DPP10: variants seen among roughly 807,000 people sequenced by gnomAD.
DPP10 encodes inactive dipeptidyl peptidase 10.
Under a neutral mutation model 120.9 loss-of-function variants are expected in DPP10, and 33 were observed. The observed-to-expected ratio is 0.27, with a 90% CI of 0.21 to 0.37. The LOEUF (loss-of-function observed/expected upper bound fraction) is 0.37. Among genes scored for constraint, DPP10 ranks in the 10% least tolerant of loss-of-function variants. The probability of loss-of-function intolerance (pLI) is 1.00; values close to 1 mark genes in which losing one functional copy is unlikely to be tolerated. For synonymous variants in DPP10, 337 were observed against 326.1 expected (o/e 1.03, Z -0.36); for missense variants, 816 against 942.8 (o/e 0.87, Z 1.76).
intron 3 of DPP10, among the ~76,000 whole-genome samples, chr2:115,494,119 A>G (rs1383989707): frequency 1.3e-5 from 2 of 151,854 alleles, no homozygotes; most frequent in Non-Finnish European, 2.9e-5. Flanking sequence ...TAATTTTTTT[A>G]TGTTTAGTAG....
intron 1 of DPP10, among the ~76,000 whole-genome samples, chr2:115,060,648 T>C (rs1369368318): frequency 6.6e-6 from 1 of 152,168 alleles, no homozygotes; most frequent in South Asian, 2.1e-4. Flanking sequence ...AACTTCCCTA[T>C]GGTCTATACA....
chr2:115,601,599 T>C (rs1467266222), intron 5 of DPP10, among the ~76,000 whole-genome samples: 1 of 152,176 alleles, frequency 6.6e-6, no homozygotes, highest in African/African-American at 2.4e-5. Flanking sequence ...AGAAAAAAAA[T>C]ATTACTTGGG....
chr2:115,790,140 C>G (rs774475827), intron 17 of DPP10, among the ~76,000 whole-genome samples: 1 of 148,742 alleles, frequency 6.7e-6, no homozygotes, highest in Non-Finnish European at 1.5e-5. Context: ...ACTGCAGTGG[C>G]GCAATCTCGG....
At chr2:114,622,868 A>G (rs1393266822) in intron 1 of DPP10, among the ~76,000 whole-genome samples, 1 of 152,110 alleles carries the variant, frequency 6.6e-6, no homozygotes, top group Admixed American at 6.6e-5. Flanking sequence ...TTGCCTGGTC[A>G]TGCATAAATT....
intron 17 of DPP10, among the ~76,000 whole-genome samples, chr2:115,785,169 A>G (rs1283104549): frequency 6.6e-6 from 1 of 152,122 alleles, no homozygotes; most frequent in Non-Finnish European, 1.5e-5. Context: ...GAGGGAGAAA[A>G]CTGCTCTGGG....
At position 114,850,556 on chromosome 2, in the gene DPP10, CT is replaced by C. The variant is rs199795613; in HGVS notation, c.60+407727del. On this transcript the variant is annotated intron_variant, in intron 1 of 25. Transcript: ENST00000410059. ...CATTTTATTATTCCCAATCATAATT[CT>C]TTTTTTTTAATAATCTGCTGAGAGT... Among the ~76,000 whole-genome samples, 9 of 151,224 alleles carry C rather than the reference CT, an allele frequency of 6.0e-5. No homozygotes were observed. The South Asian group carries it at 8.4e-4, about 14-fold the overall frequency.
chr2:115,043,356 C>T (rs1704811816), intron 1 of DPP10, among the ~76,000 whole-genome samples: 1 of 152,194 alleles, frequency 6.6e-6, no homozygotes, highest in South Asian at 2.1e-4. Flanking sequence ...AATGAACATA[C>T]TACGATCTCA....
At position 114,944,058 on chromosome 2, in the gene DPP10, T is replaced by C. The variant is rs1434651731; in HGVS notation, c.61-365181T>C. 2.6e-5 allele frequency among the ~76,000 whole-genome samples: 4 copies of C among 152,180 alleles called. No individual in the cohort carries two copies. In the South Asian group the frequency reaches 6.2e-4, roughly 24 times the overall value. On this transcript the variant is annotated intron_variant, in intron 1 of 25. Coordinates refer to ENST00000410059, the MANE Select transcript of DPP10 (RefSeq NM_020868.6). ...TAATATAATTCTATGTTAAATATCT[T>C]AGGGTAATTTTTTAAAAGTTCAATT...
At chr2:115,375,853 C>A (rs1053273088) in intron 3 of DPP10, among the ~76,000 whole-genome samples, 27 of 152,136 alleles carry the variant, frequency 1.8e-4, no homozygotes, top group Non-Finnish European at 3.5e-4. Flanking sequence ...ATGAAAACAA[C>A]AAGAAGAAAA....
intron 1 of DPP10, among the ~76,000 whole-genome samples, chr2:114,939,810 C>A (rs559512588): frequency 8.2e-4 from 125 of 152,212 alleles, no homozygotes; most frequent in Middle Eastern, 6.8e-3. Context: ...GTGGACTTTA[C>A]AAAATACTTT....
At chr2:115,295,811 T>G (rs1309162947) in intron 1 of DPP10, among the ~76,000 whole-genome samples, 2 of 152,066 alleles carry the variant, frequency 1.3e-5, no homozygotes, top group African/African-American at 4.8e-5. Context: ...AAAAATTTTC[T>G]CCTGCACTCA....
Position 114,983,212 on chromosome 2 carries a change from G to A in DPP10, c.61-326027G>A, listed in dbSNP as rs115147997. 2.5e-3 allele frequency among the ~76,000 whole-genome samples: 378 copies of A among 152,080 alleles called. 2 individuals are homozygous for A. Among genetic ancestry groups the A allele is most frequent in the African/African-American group, 8.6e-3 (355 of 41,502 alleles). On this transcript the variant is annotated intron_variant, in intron 1 of 25. Transcript: ENST00000410059. Reference sequence around the variant, plus strand: ...TTTGCTTTCCACGATTTTAAATCAGGGTTATCAGAAAAATCCAGTTTCTCC... The same window carrying A: ...TTTGCTTTCCACGATTTTAAATCAGAGTTATCAGAAAAATCCAGTTTCTCC...
intron 1 of DPP10, among the ~76,000 whole-genome samples, chr2:114,859,606 A>G (rs1221133657): frequency 1.3e-5 from 2 of 152,170 alleles, no homozygotes; most frequent in Non-Finnish European, 2.9e-5. Context: ...TGGGACTCAC[A>G]TTTTCTAAAA....
chr2:115,647,550 T>C (rs1031226921), intron 5 of DPP10, among the ~76,000 whole-genome samples: 1 of 151,954 alleles, frequency 6.6e-6, no homozygotes, highest in Non-Finnish European at 1.5e-5. Flanking sequence ...AAAAAAAAAA[T>C]TAACAAACAA....
intron 1 of DPP10, among the ~76,000 whole-genome samples, chr2:115,159,234 G>A (rs766760425): frequency 6.6e-5 from 10 of 152,066 alleles, no homozygotes; most frequent in African/African-American, 2.2e-4. Flanking sequence ...CGGGGTGGGC[G>A]GATAACTAGG....
chr2:115,127,049 T>C (rs932281937), intron 1 of DPP10, among the ~76,000 whole-genome samples: 1 of 152,176 alleles, frequency 6.6e-6, no homozygotes, highest in African/African-American at 2.4e-5. Context: ...ACCTAAAGGA[T>C]GGAAAAGTCT....
At chr2:115,809,216 A>G (rs931332272) in intron 19 of DPP10, among the ~76,000 whole-genome samples, 11 of 152,226 alleles carry the variant, frequency 7.2e-5, no homozygotes, top group Non-Finnish European at 1.3e-4. Context: ...AGAGATAAAT[A>G]GAAGGAATTG....
chr2:115,502,927 C>A (rs2076758924), intron 4 of DPP10, among the ~76,000 whole-genome samples: 1 of 151,570 alleles, frequency 6.6e-6, no homozygotes, highest in African/African-American at 2.4e-5. Context: ...TCATCTTGAA[C>A]TATATCCTCA....
intron 1 of DPP10, among the ~76,000 whole-genome samples, chr2:115,047,416 G>T (rs531964633): frequency 4.0e-5 from 6 of 151,854 alleles, no homozygotes; most frequent in South Asian, 2.1e-4. Context: ...GAAAAAAACA[G>T]TGTATTCAAT....
Sources: gnomAD v4.1 joint callset for allele counts (sites outside exome capture counted in the v4.1 genomes callset) on GRCh38, gnomAD v4.1.1 for gene constraint, MANE v1.5 for transcripts, NCBI Gene and HGNC (gene_info 2026-07-23, HGNC 2026-07-21) for gene names.